SPTB: variants seen among roughly 807,000 people sequenced by gnomAD.
The protein encoded by SPTB is spectrin beta, erythrocytic.
In SPTB, 45 loss-of-function variants were observed where a neutral mutation model predicts 256.2. The observed-to-expected ratio is 0.18, with a 90% CI of 0.14 to 0.23. The LOEUF (loss-of-function observed/expected upper bound fraction) is 0.23. Among genes scored for constraint, SPTB ranks in the 10% least tolerant of loss-of-function variants. The pLI is 1.00. For synonymous variants in SPTB, 1,231 were observed against 1,243.1 expected (o/e 0.99, Z 0.21); for missense variants, 2,715 against 3,040.4 (o/e 0.89, Z 2.52).
chr14:64,795,481 C>G lies in SPTB; in HGVS notation c.1500G>C (p.Thr500=), dbSNP rs564067421. Residue 500 remains threonine (T), a synonymous_variant, in exon 12 of 36, where the codon ACG becomes ACC. Coordinates refer to ENST00000644917, the MANE Select transcript of SPTB (RefSeq NM_001355436.2). The surrounding 1 kb of genome is among the most constrained non-coding windows in gnomAD (Gnocchi z 6.5). ...KENYHDQKRI[T]ARKDNILRLW... is the part of the protein sequence containing the mutation. ...GGCGCAGTATATTGTCCTTGCGGGC[C>G]GTGATGCGCTTCTGGTCATGGTAGT... The G allele has an allele frequency of 6.2e-7, 1 of 1,614,158 alleles. No individual in the cohort carries two copies. Among genetic ancestry groups the G allele is most frequent in the Non-Finnish European group, 8.5e-7 (1 of 1,180,016 alleles).
Position 64,774,529 on chromosome 14 carries a change from TAGGAGGC to T in SPTB, c.4843-9_4843-3del. ...CATCACAATGGCGCCCTCTTCATCC[TAGGAGGC>T]AGCAGACGGTCAGCGCCAGAGCTCA... is the stretch of plus-strand genomic sequence containing the variant. On this transcript the variant is annotated splice_region_variant and splice_polypyrimidine_tract_variant and intron_variant, in intron 23 of 35. Coordinates refer to ENST00000644917, the MANE Select transcript of SPTB (RefSeq NM_001355436.2). 2 of 1,553,008 alleles carry T rather than the reference TAGGAGGC, an allele frequency of 1.3e-6. No homozygotes were observed. Among genetic ancestry groups the T allele is most frequent in the Non-Finnish European group, 1.7e-6 (2 of 1,147,902 alleles).
intron 1 of SPTB, among the ~76,000 whole-genome samples, chr14:64,843,775 T>C (rs1340366251): frequency 6.6e-6 from 1 of 152,164 alleles, no homozygotes; most frequent in African/African-American, 2.4e-5. Flanking sequence ...CTTGCCAGGC[T>C]TGGAGCATAG....
At chr14:64,750,939 ATAC>A in intron 33 of SPTB, among the ~76,000 whole-genome samples, 1 of 120,520 alleles carries the variant, frequency 8.3e-6, no homozygotes, top group Middle Eastern at 4.0e-3. Flanking sequence ...TATATATCAT[ATAC>A]TATATAATAC....
rs754194156 is a variant in SPTB, at chr14:64,793,022, C to CCAG, written c.2638_2640dup (p.Leu880dup). 3.7e-6 allele frequency: 6 copies of CCAG among 1,613,974 alleles called. No homozygotes were observed. In the Admixed American group the frequency reaches 1.0e-4, roughly 27 times the overall value. On this transcript the variant is annotated inframe_insertion, in exon 14 of 36. Transcript: ENST00000644917. This position sits in a 1 kb window ranked among gnomAD's most constrained non-coding sequence, Gnocchi z 7.0. ...CTGTGCTGCACGACCTCCAGGTCCT[C>CCAG]CAGGGTGTCTGGCATTTCCATCTCG... is the stretch of plus-strand genomic sequence containing the variant.
At position 64,764,344 on chromosome 14, in the gene SPTB, C is replaced by A. The variant is rs2082135625; in HGVS notation, c.6345+2382G>T. 6.6e-6 allele frequency among the ~76,000 whole-genome samples: 1 copy of A among 152,236 alleles called. No individual in the cohort carries two copies. The highest frequency in any genetic ancestry group is 2.1e-4 in the South Asian group (1 of 4,832). ...CCCTCCCTCTGAGGTTCGTGGATCC[C>A]CATGAGAACTTAACAAAAGGCTCAG... On this transcript the variant is annotated intron_variant, in intron 32 of 35. Transcript: ENST00000644917. The surrounding 1 kb of genome is among the most constrained non-coding windows in gnomAD (Gnocchi z 4.2).
At chr14:64,763,647 A>C (rs1421377125) in intron 32 of SPTB, 3 of 493,512 alleles carry the variant, frequency 6.1e-6, no homozygotes, top group Non-Finnish European at 1.2e-5. Context: ...TCACGCAGGA[A>C]GTTACCAACA....
chr14:64,795,763 G>T lies in SPTB; in HGVS notation c.1342-124C>A, dbSNP rs1300752791. 2 of 1,016,088 alleles carry T rather than the reference G, an allele frequency of 2.0e-6. No individual in the cohort carries two copies. Among genetic ancestry groups the T allele is most frequent in the African/African-American group, 1.6e-5 (1 of 62,944 alleles). 62.9% of individuals were successfully genotyped at this position (1,016,088 alleles called of 1,614,324 possible). A position where few individuals can be genotyped will look rare whatever the true frequency, so the allele number is the denominator to read the frequency against. ...TGGGAAAGCACATTCCCAAGAAGCAGCTAGTTCTGCCTTACTTTTGCAGCC... is the reference window on the plus strand; with the variant it reads ...TGGGAAAGCACATTCCCAAGAAGCATCTAGTTCTGCCTTACTTTTGCAGCC... On this transcript the variant is annotated intron_variant, in intron 11 of 35. Coordinates refer to ENST00000644917, the MANE Select transcript of SPTB (RefSeq NM_001355436.2). The surrounding 1 kb of genome is among the most constrained non-coding windows in gnomAD (Gnocchi z 6.5).
intron 9 of SPTB, 63 bp downstream of exon 9, chr14:64,799,684 T>TACC (rs2082842431): frequency 4.4e-6 from 7 of 1,596,562 alleles, no homozygotes; most frequent in Non-Finnish European, 5.1e-6. Flanking sequence ...AACCTGGCTC[T>TACC]ACCTTTTGGT....
intron 1 of SPTB, among the ~76,000 whole-genome samples, chr14:64,862,596 G>A (rs1881914783): frequency 6.6e-6 from 1 of 152,032 alleles, no homozygotes; most frequent in African/African-American, 2.4e-5. Context: ...GTGGTGGCCT[G>A]GGCGCGGTGC....
At chr14:64,838,168 G>C (rs1457936710) in intron 1 of SPTB, among the ~76,000 whole-genome samples, 4 of 152,170 alleles carry the variant, frequency 2.6e-5, no homozygotes, top group Non-Finnish European at 5.9e-5. Context: ...AGAAAGGATA[G>C]TCTTTTTAAC....
chr14:64,851,200 C>T (rs186746894), intron 1 of SPTB, among the ~76,000 whole-genome samples: 48 of 152,294 alleles, frequency 3.2e-4, no homozygotes, highest in African/African-American at 5.8e-4. Context: ...CTAGTGGAAA[C>T]GCAGTACAAG....
chr14:64,769,240 G>A, intron 28 of SPTB, 122 bp from the exon 29 acceptor site: 4 of 988,978 alleles, frequency 4.0e-6, no homozygotes, highest in Non-Finnish European at 6.4e-6. Flanking sequence ...TCAAGTCTTG[G>A]CCCAGCTGCT....
chr14:64,867,113 G>A (rs7144718), intron 1 of SPTB, among the ~76,000 whole-genome samples: 123,067 of 152,158 alleles, frequency 0.81, 51,274 homozygotes, highest in Non-Finnish European at 0.91. Context: ...AATGGGAAAC[G>A]GTGGAGAATA....
Position 64,786,340 on chromosome 14 carries a change from G to T in SPTB, c.3561+64C>A, listed in dbSNP as rs1247686030. 22 of 1,594,508 alleles carry T rather than the reference G, an allele frequency of 1.4e-5. No homozygotes were observed. The highest frequency in any genetic ancestry group is 2.6e-6 in the Non-Finnish European group (3 of 1,165,822). ...TCCCTGAGTCTTACAGCACATTTGTGGACTCACCACAAGAGCTACTGCCCT... is the reference window on the plus strand; with the variant it reads ...TCCCTGAGTCTTACAGCACATTTGTTGACTCACCACAAGAGCTACTGCCCT... On this transcript the variant is annotated intron_variant, in intron 16 of 35. Coordinates refer to ENST00000644917, the MANE Select transcript of SPTB (RefSeq NM_001355436.2). This position sits in a 1 kb window ranked among gnomAD's most constrained non-coding sequence, Gnocchi z 5.6.
At chr14:64,809,304 C>T (rs948783195) in intron 2 of SPTB, among the ~76,000 whole-genome samples, 14 of 145,224 alleles carry the variant, frequency 9.6e-5, no homozygotes, top group Admixed American at 6.9e-4. Flanking sequence ...TATTCAGGGG[C>T]TAGGGAATAG....
Position 64,764,899 on chromosome 14 carries a change from C to G in SPTB, c.6345+1827G>C, listed in dbSNP as rs938327375. On this transcript the variant is annotated intron_variant, in intron 32 of 35. Transcript: ENST00000644917. This position sits in a 1 kb window ranked among gnomAD's most constrained non-coding sequence, Gnocchi z 4.2. ...ACCCCACATGCGATGACGGGAGCTT[C>G]GGAGGGAACTTCTGGGAGAGACCCT... 2.6e-5 allele frequency among the ~76,000 whole-genome samples: 4 copies of G among 152,064 alleles called. No homozygotes were observed. Among genetic ancestry groups the G allele is most frequent in the African/African-American group, 9.7e-5 (4 of 41,406 alleles).
Position 64,769,138 on chromosome 14 carries a change from A to T in SPTB, c.5938-20T>A. ...GCGGATCTATGGGGAGGAAAGGGAG[A>T]AAAGCTCAGGCTTGGCTCACCCTTC... On this transcript the variant is annotated intron_variant, in intron 28 of 35. Transcript: ENST00000644917. 6.2e-7 allele frequency: 1 copy of T among 1,611,238 alleles called. No individual in the cohort carries two copies. Among genetic ancestry groups the T allele is most frequent in the East Asian group, 2.2e-5 (1 of 44,862 alleles).
intron 32 of SPTB, 63 bp downstream of exon 32, chr14:64,766,663 G>C: frequency 6.2e-7 from 1 of 1,613,264 alleles, no homozygotes; most frequent in Non-Finnish European, 8.5e-7. Flanking sequence ...GAGCCTAGTA[G>C]GGGTGAGAGG....
intron 2 of SPTB, among the ~76,000 whole-genome samples, chr14:64,811,995 A>G (rs1055293264): frequency 1.3e-5 from 2 of 152,244 alleles, no homozygotes; most frequent in South Asian, 2.1e-4. Context: ...CTACAGATCT[A>G]TTCATACACT....
Sources: allele counts gnomAD v4.1 joint callset (sites outside exome capture counted in the v4.1 genomes callset), GRCh38; gene constraint gnomAD v4.1.1; non-coding constraint Gnocchi (gnomAD v3.1); transcripts MANE v1.5; gene names NCBI Gene and HGNC (gene_info 2026-07-23, HGNC 2026-07-21).